SNX29: variants seen among roughly 807,000 people sequenced by gnomAD.
SNX29 encodes the protein sorting nexin-29.
SNX29 carries 78 observed loss-of-function variants against 102.1 expected under a neutral mutation model. The ratio of observed to expected loss-of-function variants is 0.76; its 90% CI spans 0.64 to 0.92. The LOEUF is 0.92. Ranked by LOEUF, SNX29 falls within the 40% of genes least tolerant of loss-of-function variation. The pLI, the probability that SNX29 is intolerant of heterozygous loss-of-function variation, is 0.00. For missense variants in SNX29, 1,280 were observed against 1,061.7 expected (o/e 1.21, Z -2.86); for synonymous variants, 580 against 414.5 (o/e 1.40, Z -4.85).
chr16:12,335,769 C>G (rs1445784917), intron 15 of SNX29, among the ~76,000 whole-genome samples: 1 of 151,818 alleles, frequency 6.6e-6, no homozygotes, highest in East Asian at 1.9e-4. Context: ...AAGTGCCTTC[C>G]CCAGATTATT....
intron 14 of SNX29, among the ~76,000 whole-genome samples, chr16:12,276,273 TCA>T (rs573892205): frequency 1.4e-3 from 219 of 152,312 alleles, no homozygotes; most frequent in African/African-American, 5.1e-3. Context: ...ACAGAGTTCT[TCA>T]CAGTTTTTCT....
chr16:12,097,991 TC>T, intron 11 of SNX29, among the ~76,000 whole-genome samples: 1 of 152,322 alleles, frequency 6.6e-6, no homozygotes, highest in Non-Finnish European at 1.5e-5. Context: ...GCTCCTGCAG[TC>T]CCACATGAAG....
chr16:12,305,696 A>T (rs1459396437), intron 15 of SNX29, among the ~76,000 whole-genome samples: 1 of 152,196 alleles, frequency 6.6e-6, no homozygotes, highest in African/African-American at 2.4e-5. Flanking sequence ...TTGCACCTAG[A>T]TGCCTGGGTG....
chr16:12,258,929 T>C (rs1468806649), intron 14 of SNX29, among the ~76,000 whole-genome samples: 1 of 152,150 alleles, frequency 6.6e-6, no homozygotes, highest in African/African-American at 2.4e-5. Context: ...GTGTCTTGTG[T>C]CATTCTCTCT....
chr16:12,436,600 T>A (rs1265156857), intron 18 of SNX29, among the ~76,000 whole-genome samples: 1 of 152,232 alleles, frequency 6.6e-6, no homozygotes, highest in Admixed American at 6.5e-5. Flanking sequence ...GGAAGGACTC[T>A]TCAGGGTCCT....
chr16:12,016,817 G>A (rs1291470043), intron 3 of SNX29, among the ~76,000 whole-genome samples: 1 of 151,836 alleles, frequency 6.6e-6, no homozygotes, highest in Non-Finnish European at 1.5e-5. Context: ...TGGGTCAAAG[G>A]GTTATGCACC....
intron 15 of SNX29, among the ~76,000 whole-genome samples, chr16:12,310,653 A>G (rs531200146): frequency 2.0e-5 from 3 of 152,360 alleles, no homozygotes; most frequent in Admixed American, 1.3e-4. Context: ...TGGCATTACC[A>G]GGAGTCTGAA....
At chr16:12,414,297 C>T (rs1462233720) in intron 18 of SNX29, among the ~76,000 whole-genome samples, 2 of 152,114 alleles carry the variant, frequency 1.3e-5, no homozygotes, top group Non-Finnish European at 2.9e-5. Context: ...TTGCTTGAGC[C>T]CAGGAGATCG....
At chr16:12,331,077 G>C (rs2081278531) in intron 15 of SNX29, among the ~76,000 whole-genome samples, 1 of 152,222 alleles carries the variant, frequency 6.6e-6, no homozygotes. Context: ...TGTTTGGAAG[G>C]GGGCTGTGGA....
chr16:12,114,415 A>G (rs928342784), intron 11 of SNX29, among the ~76,000 whole-genome samples: 5 of 152,258 alleles, frequency 3.3e-5, no homozygotes, highest in African/African-American at 1.2e-4. Flanking sequence ...CTAAAATGAC[A>G]TGATGGTCTT....
chr16:12,552,684 A>C (rs1236229173), intron 20 of SNX29, among the ~76,000 whole-genome samples: 2 of 152,226 alleles, frequency 1.3e-5, no homozygotes, highest in African/African-American at 4.8e-5. Flanking sequence ...GGCGTTTACA[A>C]GGGTCGGGGG....
intron 8 of SNX29, among the ~76,000 whole-genome samples, chr16:12,059,492 A>G (rs555359727): frequency 1.3e-4 from 20 of 152,316 alleles, no homozygotes; most frequent in African/African-American, 4.8e-4. Flanking sequence ...TGGTATGGGC[A>G]TGGTTGAATG....
chr16:12,565,383 C>T lies in SNX29; in HGVS notation c.2319-3123C>T, dbSNP rs145758378. On this transcript the variant is annotated intron_variant, in intron 20 of 20. Transcript: ENST00000566228. ...GAAGCCCCTGGTCTAGCCAGATTTC[C>T]GCAGGTGTCATCCACTCAACTTGTC... Among the ~76,000 whole-genome samples the T allele has an allele frequency of 4.6e-3, 708 of 152,288 alleles. 4 individuals are homozygous for T. Among genetic ancestry groups the T allele is most frequent in the African/African-American group, 0.014 (588 of 41,536 alleles).
At chr16:12,568,480 A>C (rs1421945090) in intron 20 of SNX29, 26 bp from the exon 21 acceptor site, 3 of 1,607,072 alleles carry the variant, frequency 1.9e-6, no homozygotes, top group South Asian at 2.2e-5. Context: ...CCCAGACTTA[A>C]CCCGATTCTC....
intron 1 of SNX29, among the ~76,000 whole-genome samples, chr16:11,999,039 T>G (rs901291965): frequency 3.3e-5 from 5 of 152,228 alleles, no homozygotes; most frequent in Admixed American, 2.0e-4. Context: ...CAGCTAAACA[T>G]CTTACAATGT....
At chr16:12,236,700 C>T (rs1303584524) in intron 14 of SNX29, among the ~76,000 whole-genome samples, 1 of 152,192 alleles carries the variant, frequency 6.6e-6, no homozygotes, top group African/African-American at 2.4e-5. Context: ...GTGCCAGGTA[C>T]CACAGTGAAC....
At chr16:12,160,842 T>C (rs570027992) in intron 13 of SNX29, among the ~76,000 whole-genome samples, 1 of 152,378 alleles carries the variant, frequency 6.6e-6, no homozygotes, top group Admixed American at 6.5e-5. Flanking sequence ...CATTTCTTGA[T>C]GGCATTATAG....
chr16:12,258,442 G>T (rs759098828), intron 14 of SNX29, among the ~76,000 whole-genome samples: 11 of 152,106 alleles, frequency 7.2e-5, no homozygotes, highest in Non-Finnish European at 1.5e-4. Flanking sequence ...TCCCCACAGA[G>T]GCCCAGCCTC....
At chr16:12,382,169 G>A (rs1022763350) in intron 16 of SNX29, among the ~76,000 whole-genome samples, 2 of 152,018 alleles carry the variant, frequency 1.3e-5, no homozygotes, top group Admixed American at 6.5e-5. Context: ...TTTGCCGAGC[G>A]CCATGAGGAC....
Sources: allele counts gnomAD v4.1 joint callset (sites outside exome capture counted in the v4.1 genomes callset), GRCh38; gene constraint gnomAD v4.1.1; transcripts MANE v1.5; gene names NCBI Gene and HGNC (gene_info 2026-07-23, HGNC 2026-07-21).